Variants in RSU1 observed in about 807,000 individuals in gnomAD.
RSU1 encodes the protein Ras suppressor protein 1, also known as rsu-1.
Under a neutral mutation model 31.1 loss-of-function variants are expected in RSU1, and 26 were observed. The ratio of observed to expected loss-of-function variants is 0.84; its 90% CI spans 0.61 to 1.16. The LOEUF is 1.16. Among genes scored for constraint, RSU1 ranks in the 50% most tolerant of loss-of-function variants. The probability of loss-of-function intolerance (pLI) is 0.00; values close to 1 mark genes in which losing one functional copy is unlikely to be tolerated. For missense variants in RSU1, 320 were observed against 339.1 expected (o/e 0.94, Z 0.44); for synonymous variants, 164 against 136.3 (o/e 1.20, Z -1.41).
At chr10:16,732,147 G>T (rs1260758164) in intron 7 of RSU1, among the ~76,000 whole-genome samples, 1 of 152,334 alleles carries the variant, frequency 6.6e-6, no homozygotes, top group South Asian at 2.1e-4. Context: ...CTCATGGGAA[G>T]TACACAAAGG....
intron 8 of RSU1, among the ~76,000 whole-genome samples, chr10:16,653,296 T>C (rs1834719173): frequency 6.6e-6 from 1 of 152,224 alleles, no homozygotes; most frequent in Non-Finnish European, 1.5e-5. Context: ...AACAGTTCAG[T>C]GACATCCCTA....
rs546483283 is a variant in RSU1, at chr10:16,655,575, TTATTA to T, written c.731+39443_731+39447del. ...CATATGTATGCAGTAATATAATTGC[TTATTA>T]TATAATTCATATTCATAAAATTGTT... On this transcript the variant is annotated intron_variant, in intron 8 of 8. Transcript: ENST00000345264. 1.5e-3 allele frequency among the ~76,000 whole-genome samples: 222 copies of T among 152,382 alleles called. 1 individual carries two copies. Among genetic ancestry groups the T allele is most frequent in the African/African-American group, 5.2e-3 (216 of 41,592 alleles).
At chr10:16,746,786 A>G (rs918812051) in intron 7 of RSU1, among the ~76,000 whole-genome samples, 4 of 149,804 alleles carry the variant, frequency 2.7e-5, no homozygotes, top group Admixed American at 6.8e-5. Context: ...CTACTAATTA[A>G]TTCTTCTAAG....
chr10:16,664,353 T>C (rs527629649), intron 8 of RSU1, among the ~76,000 whole-genome samples: 58 of 152,320 alleles, frequency 3.8e-4, no homozygotes, highest in African/African-American at 1.3e-3. Flanking sequence ...AATCACTTTC[T>C]GTGTGACTCT....
intron 2 of RSU1, among the ~76,000 whole-genome samples, chr10:16,786,117 A>C (rs1163583081): frequency 6.6e-6 from 1 of 152,146 alleles, no homozygotes; most frequent in Non-Finnish European, 1.5e-5. Flanking sequence ...AGTGGGTGGA[A>C]GCCAGGGATG....
chr10:16,714,646 G>T (rs1189468241), intron 7 of RSU1, among the ~76,000 whole-genome samples: 1 of 152,070 alleles, frequency 6.6e-6, no homozygotes, highest in Non-Finnish European at 1.5e-5. Context: ...GAACACTGGG[G>T]TCTCAGTCAT....
At chr10:16,599,532 C>T (rs77925920) in intron 8 of RSU1, among the ~76,000 whole-genome samples, 2,022 of 152,318 alleles carry the variant, frequency 0.013, 45 homozygotes, top group African/African-American at 0.045. Context: ...ACACCCTACT[C>T]AGCCCTGAAC....
At chr10:16,737,226 A>G (rs1297069840) in intron 7 of RSU1, among the ~76,000 whole-genome samples, 1 of 152,180 alleles carries the variant, frequency 6.6e-6, no homozygotes, top group African/African-American at 2.4e-5. Context: ...ATTTTAAAAA[A>G]TGGCTGAAAA....
chr10:16,699,565 G>A (rs886367766), intron 7 of RSU1, among the ~76,000 whole-genome samples: 4 of 152,206 alleles, frequency 2.6e-5, no homozygotes, highest in Non-Finnish European at 4.4e-5. Context: ...GACGCCACAC[G>A]CTTCAGTGCG....
chr10:16,618,978 G>C (rs1834026133), intron 8 of RSU1, among the ~76,000 whole-genome samples: 1 of 152,068 alleles, frequency 6.6e-6, no homozygotes, highest in Non-Finnish European at 1.5e-5. Context: ...GTGTATCCCA[G>C]AACTTTAAAA....
rs905010648 is a variant in RSU1, at chr10:16,773,878, G to GT, written c.160+8155dup. On this transcript the variant is annotated intron_variant, in intron 3 of 8. Transcript: ENST00000345264. The stretch of plus-strand genomic sequence containing the variant: ...TTCAGAGAAAGGGGTAGGAACATCA[G>GT]TTTTTTTAAAAAAATCAGGTGACTA... Among the ~76,000 whole-genome samples the GT allele has an allele frequency of 2.3e-4, 34 of 149,760 alleles. No individual in the cohort carries two copies. The South Asian group carries it at 6.0e-3, about 27-fold the overall frequency.
rs1300352760 is a variant in RSU1 at position 16,778,542 on chromosome 10, A to AG, written c.160+3491dup. On this transcript the variant is annotated intron_variant, in intron 3 of 8. Coordinates refer to ENST00000345264, the MANE Select transcript of RSU1 (RefSeq NM_012425.4). ...AAAAGCTGACCATCTATTTGGAGAG[A>AG]GAAAAAAAACACAAAGGAAGAGAAG... Among the ~76,000 whole-genome samples the AG allele has an allele frequency of 2.0e-5, 3 of 152,186 alleles. No individual in the cohort carries two copies. In the East Asian group the frequency reaches 5.8e-4, roughly 29 times the overall value.
chr10:16,657,989 C>CAA (rs141534973), intron 8 of RSU1, among the ~76,000 whole-genome samples: 12 of 150,524 alleles, frequency 8.0e-5, no homozygotes, highest in South Asian at 2.1e-4. Context: ...GAATCTGTCT[C>CAA]AAAAAAAAAT....
intron 8 of RSU1, among the ~76,000 whole-genome samples, chr10:16,672,148 A>G (rs1835118236): frequency 6.6e-6 from 1 of 150,634 alleles, no homozygotes; most frequent in Non-Finnish European, 1.5e-5. Context: ...AATACAAAAA[A>G]AAAAAAAAAA....
chr10:16,808,485 GAAAAAAAA>G (rs34449677), intron 2 of RSU1, among the ~76,000 whole-genome samples: 3 of 89,616 alleles, frequency 3.3e-5, no homozygotes, highest in African/African-American at 1.2e-4. Flanking sequence ...CTCCATTTAA[GAAAAAAAA>G]AAAAAAAAAA....
At chr10:16,642,453 TTTC>T (rs1477650291) in intron 8 of RSU1, among the ~76,000 whole-genome samples, 2 of 152,182 alleles carry the variant, frequency 1.3e-5, no homozygotes, top group African/African-American at 2.4e-5. Flanking sequence ...GTCTCTAACC[TTTC>T]CTATCAGTGA....
At chr10:16,761,433 C>CA (rs1837209754) in intron 4 of RSU1, among the ~76,000 whole-genome samples, 1 of 152,296 alleles carries the variant, frequency 6.6e-6, no homozygotes, top group South Asian at 2.1e-4. Context: ...CACTGAACAA[C>CA]AGACATCCAG....
At chr10:16,673,255 A>G (rs1461140703) in intron 8 of RSU1, among the ~76,000 whole-genome samples, 1 of 152,058 alleles carries the variant, frequency 6.6e-6, no homozygotes, top group Non-Finnish European at 1.5e-5. Flanking sequence ...TGGTTCTGAC[A>G]ATTGCTGTGG....
chr10:16,754,843 G>A, intron 5 of RSU1, 28 bp downstream of exon 5: 1 of 1,391,978 alleles, frequency 7.2e-7, no homozygotes, highest in Non-Finnish European at 1.0e-6. Context: ...CAAGGTTGAG[G>A]AGATTTATAG....
Sources: allele counts gnomAD v4.1 joint callset (sites outside exome capture counted in the v4.1 genomes callset), GRCh38; gene constraint gnomAD v4.1.1; transcripts MANE v1.5; gene names NCBI Gene and HGNC (gene_info 2026-07-23, HGNC 2026-07-21).